GATA6: variants seen among roughly 807,000 people sequenced by gnomAD.
GATA6 encodes the protein transcription factor GATA-6.
In GATA6, 11 loss-of-function variants were observed where a neutral mutation model predicts 48.1. The observed-to-expected ratio is 0.23, with a 90% CI of 0.14 to 0.38. GATA6 has a LOEUF of 0.38. Ranked by LOEUF, GATA6 falls within the 10% of genes least tolerant of loss-of-function variation. The pLI, the probability that GATA6 is intolerant of heterozygous loss-of-function variation, is 1.00. For missense variants in GATA6, 795 were observed against 850.3 expected (o/e 0.93, Z 0.81); for synonymous variants, 419 against 396.1 (o/e 1.06, Z -0.69).
At chr18:22,174,655 G>T (rs1336777529) in intron 2 of GATA6, among the ~76,000 whole-genome samples, 1 of 152,052 alleles carries the variant, frequency 6.6e-6, no homozygotes, top group Non-Finnish European at 1.5e-5. Context: ...GGTGGGGAGC[G>T]AGTGACCCTA....
intron 6 of GATA6, among the ~76,000 whole-genome samples, chr18:22,186,783 G>A (rs1346430069): frequency 6.6e-6 from 1 of 152,194 alleles, no homozygotes; most frequent in South Asian, 2.1e-4. Flanking sequence ...CTGCTCTGAA[G>A]CCTCATGTCT....
Position 22,172,076 on chromosome 18 carries a change from G to A in GATA6, c.932G>A (p.Ser311Asn), listed in dbSNP as rs1455401948. 1.4e-6 allele frequency: 2 copies of A among 1,458,974 alleles called. No individual in the cohort carries two copies. The highest frequency in any genetic ancestry group is 2.8e-5 in the South Asian group (2 of 71,680). 90.4% of individuals were successfully genotyped at this position (1,458,974 alleles called of 1,614,324 possible). A position where few individuals can be genotyped will look rare whatever the true frequency, so the allele number is the denominator to read the frequency against. ...ATGGGCGGCCGCGAGCCCCAGTACA[G>A]CTCGCTGTCGGCCGCGCGGCCGCTG... ...AAMGGREPQY[S>N]SLSAARPLNG... is the part of the protein sequence containing the mutation. The change falls in exon 2 of 7, where the codon AGC becomes AAC. Residue 311 changes from serine to asparagine, a missense_variant. Physicochemically the swap from Ser to Asn is conservative, Grantham distance 46. Coordinates refer to ENST00000269216, the MANE Select transcript of GATA6 (RefSeq NM_005257.6). This position sits in a 1 kb window ranked among gnomAD's most constrained non-coding sequence, Gnocchi z 5.2.
At chr18:22,177,246 G>A (rs2033134908) in intron 3 of GATA6, 125 bp downstream of exon 3, 2 of 870,652 alleles carry the variant, frequency 2.3e-6, no homozygotes, top group Non-Finnish European at 1.7e-6. Context: ...GGCCGCTGCG[G>A]TCCCACCCTA....
intron 6 of GATA6, among the ~76,000 whole-genome samples, chr18:22,196,150 T>C (rs568397302): frequency 6.6e-6 from 1 of 152,336 alleles, no homozygotes; most frequent in African/African-American, 2.4e-5. Flanking sequence ...TTATTATATG[T>C]ACACATAAAA....
intron 6 of GATA6, 47 bp from the exon 7 acceptor site, chr18:22,200,609 C>G (rs374211749): frequency 2.3e-4 from 372 of 1,611,908 alleles, no homozygotes; most frequent in Non-Finnish European, 3.0e-4. Context: ...GGATTGTAAC[C>G]GCTTCTCACC....
intron 6 of GATA6, among the ~76,000 whole-genome samples, chr18:22,191,436 G>A (rs1445975782): frequency 7.4e-6 from 1 of 135,322 alleles, no homozygotes; most frequent in Non-Finnish European, 1.5e-5. Context: ...GGAAAACATG[G>A]CCAAATTTAA....
At chr18:22,188,495 T>C (rs1378477378) in intron 6 of GATA6, among the ~76,000 whole-genome samples, 1 of 151,152 alleles carries the variant, frequency 6.6e-6, no homozygotes, top group Non-Finnish European at 1.5e-5. Flanking sequence ...AGGGAAATAG[T>C]TAGTTCATTG....
chr18:22,200,325 G>A (rs1389779447), intron 6 of GATA6, among the ~76,000 whole-genome samples: 1 of 152,206 alleles, frequency 6.6e-6, no homozygotes, highest in East Asian at 1.9e-4. Flanking sequence ...TTAGAGCTTG[G>A]CACTTTTTAC....
Position 22,185,948 on chromosome 18 carries a change from A to G in GATA6, c.1620+2905A>G, listed in dbSNP as rs535930023. On this transcript the variant is annotated intron_variant, in intron 6 of 6. Coordinates refer to ENST00000269216, the MANE Select transcript of GATA6 (RefSeq NM_005257.6). This position sits in a 1 kb window ranked among gnomAD's most constrained non-coding sequence, Gnocchi z 4.3. ...TTTCTAAAAGGTGCCTGTGTTGACA[A>G]AGGTGTGTCATTTTCCCATTTTGGT... Among the ~76,000 whole-genome samples the G allele has an allele frequency of 6.6e-6, 1 of 152,234 alleles. No homozygotes were observed. Among genetic ancestry groups the G allele is most frequent in the Non-Finnish European group, 1.5e-5 (1 of 68,018 alleles).
intron 2 of GATA6, chr18:22,176,396 T>A (rs1286941433): frequency 6.6e-6 from 1 of 152,262 alleles, no homozygotes; most frequent in African/African-American, 2.4e-5. Flanking sequence ...TACTTTTAAT[T>A]TCACTTGTGT....
In GATA6 at chr18:22,202,186, A is replaced by T. The variant is rs1468367467; in HGVS notation, c.*1363A>T. The stretch of plus-strand genomic sequence containing the variant: ...GGGTTAGTTACTACTCTCCATGTGC[A>T]TTGGGGACAGTTTTTATAAGTGGGA... On this transcript the variant is annotated 3_prime_UTR_variant, in exon 7 of 7. Coordinates refer to ENST00000269216, the MANE Select transcript of GATA6 (RefSeq NM_005257.6). 2 of 152,162 alleles carry T rather than the reference A, an allele frequency of 1.3e-5. No individual in the cohort carries two copies. The highest frequency in any genetic ancestry group is 2.9e-5 in the Non-Finnish European group (2 of 68,036). The allele number at this position is 152,162 out of a possible 1,614,324, so 9.4% of individuals were successfully genotyped here. A position where few individuals can be genotyped will look rare whatever the true frequency, so the allele number is the denominator to read the frequency against.
Position 22,188,491 on chromosome 18 carries a change from ATAGT to A in GATA6, c.1620+5454_1620+5457del, listed in dbSNP as rs139644641. 3.4e-3 allele frequency among the ~76,000 whole-genome samples: 518 copies of A among 152,340 alleles called. 2 individuals carry two copies. Among genetic ancestry groups the A allele is most frequent in the African/African-American group, 0.012 (495 of 41,572 alleles). On this transcript the variant is annotated intron_variant, in intron 6 of 6. Coordinates refer to ENST00000269216, the MANE Select transcript of GATA6 (RefSeq NM_005257.6). ...TAGGAATCTTTGGAGCTGAAGGGAAATAGTTAGTTCATTGTGACTGGAGTGTAGG... is the reference window on the plus strand; with the variant it reads ...TAGGAATCTTTGGAGCTGAAGGGAAATAGTTCATTGTGACTGGAGTGTAGG...
At chr18:22,169,859 G>A (rs2143269217) in intron 1 of GATA6, among the ~76,000 whole-genome samples, 177 bp downstream of exon 1, 1 of 152,338 alleles carries the variant, frequency 6.6e-6, no homozygotes, top group East Asian at 1.9e-4. Flanking sequence ...GGACACCGCG[G>A]ACCAACTTCT....
rs1166425223 is a variant in GATA6, at chr18:22,172,756, G to A, written c.1135+477G>A. ...ACACAAGCACATGCAGGCTCACCCAGTTTAACTCTCCAAAGGGTGCGTGTT... is the reference window on the plus strand; with the variant it reads ...ACACAAGCACATGCAGGCTCACCCAATTTAACTCTCCAAAGGGTGCGTGTT... On this transcript the variant is annotated intron_variant, in intron 2 of 6. Transcript: ENST00000269216. This position sits in a 1 kb window ranked among gnomAD's most constrained non-coding sequence, Gnocchi z 5.2. Among the ~76,000 whole-genome samples, 1 of 152,174 alleles carries A rather than the reference G, an allele frequency of 6.6e-6. No homozygotes were observed. Among genetic ancestry groups the A allele is most frequent in the East Asian group, 1.9e-4 (1 of 5,194 alleles).
At chr18:22,190,325 T>TATA (rs2033311573) in intron 6 of GATA6, among the ~76,000 whole-genome samples, 1 of 152,236 alleles carries the variant, frequency 6.6e-6, no homozygotes, top group Non-Finnish European at 1.5e-5. Flanking sequence ...CTAATGTGGT[T>TATA]ATAACAAGGT....
Position 22,202,332 on chromosome 18 carries a change from AG to A in GATA6, c.*1512del, listed in dbSNP as rs1326880417. On this transcript the variant is annotated 3_prime_UTR_variant, in exon 7 of 7. Coordinates refer to ENST00000269216, the MANE Select transcript of GATA6 (RefSeq NM_005257.6). ...ATGAAATATATTCTGGCCCACGAAC[AG>A]GGCGATTTCCTTTCAGTTTTTTCCT... 2 of 152,186 alleles carry A rather than the reference AG, an allele frequency of 1.3e-5. No individual in the cohort carries two copies. The highest frequency in any genetic ancestry group is 4.8e-5 in the African/African-American group (2 of 41,442). The allele number at this position is 152,186 out of a possible 1,614,324, so 9.4% of individuals were successfully genotyped here. A position where few individuals can be genotyped will look rare whatever the true frequency, so the allele number is the denominator to read the frequency against.
chr18:22,172,036 A>G lies in GATA6; in HGVS notation c.892A>G (p.Ser298Gly), dbSNP rs2033058754. 8.0e-7 allele frequency: 1 copy of G among 1,257,448 alleles called. No individual in the cohort carries two copies. The highest frequency in any genetic ancestry group is 1.0e-6 in the Non-Finnish European group (1 of 1,004,404). The allele number at this position is 1,257,448 out of a possible 1,614,324, so 77.9% of individuals were successfully genotyped here. ...CGCGGGAGGCGTGAGCGGCGGCGGC[A>G]GTAGCCTGGCGGCCATGGGCGGCCG... ...GGAGGVSGGG[S>G]SLAAMGGREP... The change falls in exon 2 of 7, where the codon AGT (serine) becomes GGT (glycine). Residue 298 changes from serine to glycine, a missense_variant. This residue lies in a region of GATA6 where 591 missense variants were observed against 570.0 expected (regional missense o/e 1.04). Coordinates refer to ENST00000269216, the MANE Select transcript of GATA6 (RefSeq NM_005257.6). This position sits in a 1 kb window ranked among gnomAD's most constrained non-coding sequence, Gnocchi z 5.2.
intron 6 of GATA6, among the ~76,000 whole-genome samples, chr18:22,187,757 TAA>T (rs2033280615): frequency 1.3e-5 from 2 of 152,160 alleles, no homozygotes; most frequent in South Asian, 4.1e-4. Flanking sequence ...ATTTTATAGA[TAA>T]AAAGTTTTTT....
chr18:22,199,114 T>C (rs2033425480), intron 6 of GATA6, among the ~76,000 whole-genome samples: 1 of 152,182 alleles, frequency 6.6e-6, no homozygotes, highest in Non-Finnish European at 1.5e-5. Flanking sequence ...CCTCCCAGCC[T>C]CATGCCCTTA....
Sources: allele counts gnomAD v4.1 joint callset (sites outside exome capture counted in the v4.1 genomes callset), GRCh38; gene constraint gnomAD v4.1.1; regional missense constraint gnomAD v4.1.1; non-coding constraint Gnocchi (gnomAD v3.1); transcripts MANE v1.5; gene names NCBI Gene and HGNC (gene_info 2026-07-23, HGNC 2026-07-21).